Variants in ABHD11 observed in about 807,000 individuals in gnomAD.
ABHD11 encodes the protein abhydrolase domain containing 11.
Under a neutral mutation model 29.0 loss-of-function variants are expected in ABHD11, and 26 were observed. The ratio of observed to expected loss-of-function variants is 0.90; its 90% CI spans 0.66 to 1.24. The LOEUF (loss-of-function observed/expected upper bound fraction) is 1.24. ABHD11 is among the 50% of genes most tolerant of loss of function. ABHD11 has a pLI of 0.00. For synonymous variants in ABHD11, 169 were observed against 166.4 expected (o/e 1.02, Z -0.12); for missense variants, 381 against 422.4 (o/e 0.90, Z 0.86).
chr7:73,737,673 C>A lies in ABHD11; in HGVS notation c.324G>T (p.Glu108Asp), dbSNP rs143238178. ...GGTCCTGCAGGTCCTGGCTCATGAT[C>A]TCGTAGCTCATGTCTGGGCTGTGGG... is the stretch of plus-strand genomic sequence containing the variant. ...DSPHSPDMSY[E>D]IMSQDLQDLL... The change falls in exon 3 of 6, where the codon GAG becomes GAT. Residue 108 changes from glutamate (E) to aspartate (D), a missense_variant. Glu to Asp is a conservative substitution (Grantham distance 45, BLOSUM62 2). Transcript: ENST00000222800. 1 of 1,614,028 alleles carries A rather than the reference C, an allele frequency of 6.2e-7. No individual in the cohort carries two copies. The highest frequency in any genetic ancestry group is 8.5e-7 in the Non-Finnish European group (1 of 1,180,020).
chr7:73,737,076 A>G lies in ABHD11; in HGVS notation c.641T>C (p.Leu214Pro). ...CACGAAGCGCCCGTCTACCTCTACC[A>G]GGTTAGTGAGCAGGTGCTGCCGCAC... ...MAVRQHLLTN[L>P]VEVDGRFVWR... Residue 214 changes from leucine (L) to proline (P), a missense_variant, in exon 5 of 6, where the codon CTG (leucine) becomes CCG (proline). Leu to Pro is a moderately conservative substitution (Grantham distance 98). Transcript: ENST00000222800. The G allele has an allele frequency of 1.2e-6, 2 of 1,614,010 alleles. No individual in the cohort carries two copies. Among genetic ancestry groups the G allele is most frequent in the Non-Finnish European group, 1.7e-6 (2 of 1,180,010 alleles).
chr7:73,737,878 A>G, intron 2 of ABHD11, 143 bp from the exon 3 acceptor site: 1 of 1,282,476 alleles, frequency 7.8e-7, no homozygotes, highest in Non-Finnish European at 1.1e-6. Context: ...TTCCAGACCT[A>G]GGAGGCCCAG....
chr7:73,736,928 C>T lies in ABHD11; in HGVS notation c.788+1G>A. On this transcript the variant is annotated splice_donor_variant, in intron 5 of 5. Transcript: ENST00000222800. LOFTEE classifies it high-confidence loss of function. ...CCCTCCTACTACCCAGGCTAGCTTA[C>T]TGCACGAACTGGGAGTTTCCACCAA... is the stretch of plus-strand genomic sequence containing the variant. 2 of 1,612,966 alleles carry T rather than the reference C, an allele frequency of 1.2e-6. No homozygotes were observed. Among genetic ancestry groups the T allele is most frequent in the Non-Finnish European group, 1.7e-6 (2 of 1,179,816 alleles).
Position 73,738,671 on chromosome 7 carries a change from C to A in ABHD11, c.100G>T (p.Gly34Cys). 1 of 1,598,498 alleles carries A rather than the reference C, an allele frequency of 6.3e-7. No homozygotes were observed. ...CTCGGCTCGGCGCCCCCTCGGCCGC[C>A]GCTGCTGCTGCTGGGTGCGACAGGC... Reference protein sequence around the residue: ...RVPVAPSSSSGGRGGAEPRPL... With the variant: ...RVPVAPSSSSCGRGGAEPRPL... The change falls in exon 1 of 6, where the codon GGC becomes TGC. Residue 34 changes from glycine (G) to cysteine (C), a missense_variant. Coordinates refer to ENST00000222800, the MANE Select transcript of ABHD11 (RefSeq NM_148912.4).
chr7:73,737,129 T>TG lies in ABHD11; in HGVS notation c.607-20dup. ...CCATGTCCTGTGGGGGTGCAGCAGT[T>TG]GGGGGAGGTTCCTTGTGCGGTCTGG... On this transcript the variant is annotated intron_variant, in intron 4 of 5. Transcript: ENST00000222800. 1 of 1,613,650 alleles carries TG rather than the reference T, an allele frequency of 6.2e-7. No individual in the cohort carries two copies. Among genetic ancestry groups the TG allele is most frequent in the Non-Finnish European group, 8.5e-7 (1 of 1,180,008 alleles).
intron 2 of ABHD11, 55 bp downstream of exon 2, chr7:73,738,273 G>A (rs1388479701): frequency 2.2e-6 from 3 of 1,365,560 alleles, no homozygotes; most frequent in Admixed American, 1.9e-5. Flanking sequence ...CCTCCTCTCA[G>A]GCCCCGCCCA....
chr7:73,736,907 C>T (rs1799941698), intron 5 of ABHD11, 22 bp downstream of exon 5: 4 of 1,608,504 alleles, frequency 2.5e-6, no homozygotes, highest in Non-Finnish European at 1.7e-6. Flanking sequence ...GCATGCCCCT[C>T]CTACTACCCA....
At chr7:73,737,156 G>A (rs371548132) in intron 4 of ABHD11, 46 bp from the exon 5 acceptor site, 3 of 1,613,362 alleles carry the variant, frequency 1.9e-6, no homozygotes, top group Non-Finnish European at 2.5e-6. Flanking sequence ...GCGGTCTGGG[G>A]GTGCCACTCT....
In ABHD11 at chr7:73,736,602, C is replaced by T. The variant is rs374778806; in HGVS notation, c.878G>A (p.Arg293His). ...GATGGCAGCTATGAAGTCCTGTGGG[C>T]GGTCAGCGTGGATCCAGTGGCCAGC... Reference protein sequence around the residue: ...PNAGHWIHADRPQDFIAAIRG... With the variant: ...PNAGHWIHADHPQDFIAAIRG... Residue 293 changes from arginine (R) to histidine (H), a missense_variant, in exon 6 of 6, where the codon CGC (arginine) becomes CAC (histidine). Arg to His is a conservative substitution (Grantham distance 29). Transcript: ENST00000222800. 35 of 1,613,920 alleles carry T rather than the reference C, an allele frequency of 2.2e-5. No homozygotes were observed. The highest frequency in any genetic ancestry group is 1.5e-4 in the African/African-American group (11 of 75,000).
Position 73,737,044 on chromosome 7 carries a change from C to A in ABHD11, c.673G>T (p.Val225Leu). 2 of 1,614,122 alleles carry A rather than the reference C, an allele frequency of 1.2e-6. No individual in the cohort carries two copies. The highest frequency in any genetic ancestry group is 2.2e-5 in the South Asian group (2 of 91,090). ...VEVDGRFVWR[V>L]NLDALTQHLD... ...TGCTGGGTCAGGGCATCCAAGTTCACCCTCCACACGAAGCGCCCGTCTACC... is the reference window on the plus strand; with the variant it reads ...TGCTGGGTCAGGGCATCCAAGTTCAACCTCCACACGAAGCGCCCGTCTACC... Residue 225 changes from valine (V) to leucine (L), a missense_variant, in exon 5 of 6, where the codon GTG becomes TTG. Transcript: ENST00000222800.
Position 73,738,536 on chromosome 7 carries a change from G to C in ABHD11, c.126-73C>G, listed in dbSNP as rs1191326740. The C allele has an allele frequency of 9.6e-6, 15 of 1,568,456 alleles. No homozygotes were observed. In the South Asian group the frequency reaches 1.4e-4, roughly 15 times the overall value. ...GAAAGGGGTAGGGGGAAAGAGCTTT[G>C]GGGGAGAGGCCTGGGAGGTGACAGG... is the stretch of plus-strand genomic sequence containing the variant. On this transcript the variant is annotated intron_variant, in intron 1 of 5. Transcript: ENST00000222800.
intron 5 of ABHD11, 33 bp downstream of exon 5, chr7:73,736,896 A>AGCAT (rs1554621973): frequency 1.9e-6 from 3 of 1,604,486 alleles, no homozygotes; most frequent in Non-Finnish European, 2.6e-6. Context: ...GGGCGAGTAA[A>AGCAT]GCATGCCCCT....
chr7:73,737,260 G>A lies in ABHD11; in HGVS notation c.567C>T (p.Ala189=). The change falls in exon 4 of 6, where the codon GCC becomes GCT. Residue 189 remains alanine (A), a synonymous_variant. Coordinates refer to ENST00000222800, the MANE Select transcript of ABHD11 (RefSeq NM_148912.4). ...NIADELPRSR[A]RKLADEQLSS... ...TGAGCTGTTCATCCGCCAGTTTTCGGGCACGGGAGCGGGGCAGCTCATCTG... is the reference window on the plus strand; with the variant it reads ...TGAGCTGTTCATCCGCCAGTTTTCGAGCACGGGAGCGGGGCAGCTCATCTG... The A allele has an allele frequency of 1.2e-6, 2 of 1,614,138 alleles. No homozygotes were observed. The highest frequency in any genetic ancestry group is 2.2e-5 in the South Asian group (2 of 91,088).
rs1290733189 is a variant in ABHD11 at position 73,738,752 on chromosome 7, C to G, written c.19G>C (p.Ala7Pro). 3 of 1,609,838 alleles carry G rather than the reference C, an allele frequency of 1.9e-6. No individual in the cohort carries two copies. In the African/African-American group the frequency reaches 4.0e-5, roughly 22 times the overall value. The change falls in exon 1 of 6, where the codon GCC (alanine) becomes CCC (proline). Residue 7 changes from alanine to proline, a missense_variant. Physicochemically the swap from Ala to Pro is conservative, Grantham distance 27. Transcript: ENST00000222800. Reference sequence around the variant, plus strand: ...AGTCCCTCACGCGGGAGCCTCCAGGCTCGGGTCCAGCGGAGCATGCTTGCA... The same window carrying G: ...AGTCCCTCACGCGGGAGCCTCCAGGGTCGGGTCCAGCGGAGCATGCTTGCA... The part of the protein sequence containing the change: MLRWTR[A>P]WRLPREGLGP...
Position 73,737,235 on chromosome 7 carries a change from T to C in ABHD11, c.592A>G (p.Ser198Gly). 6.2e-7 allele frequency: 1 copy of C among 1,614,106 alleles called. No homozygotes were observed. The highest frequency in any genetic ancestry group is 8.5e-7 in the Non-Finnish European group (1 of 1,180,034). The stretch of plus-strand genomic sequence containing the variant: ...GGGTGTATCACCTGGATGACAGAAC[T>C]GAGCTGTTCATCCGCCAGTTTTCGG... Reference protein sequence around the residue: ...RARKLADEQLSSVIQDMAVRQ... With the variant: ...RARKLADEQLGSVIQDMAVRQ... Residue 198 changes from serine to glycine, a missense_variant, in exon 4 of 6, where the codon AGT (serine) becomes GGT (glycine). By Grantham distance (56) the Ser-to-Gly change is moderately conservative. Transcript: ENST00000222800.
At chr7:73,738,591 C>A (rs1466140298) in intron 1 of ABHD11, 55 bp downstream of exon 1, 17 of 1,567,910 alleles carry the variant, frequency 1.1e-5, no homozygotes, top group Admixed American at 1.9e-5. Flanking sequence ...GCCGTCGGGG[C>A]CCGGCAGGAA....
At chr7:73,736,723 G>T in intron 5 of ABHD11, 32 bp from the exon 6 acceptor site, 1 of 1,612,610 alleles carries the variant, frequency 6.2e-7, no homozygotes, top group Non-Finnish European at 8.5e-7. Context: ...ATCAAAAACG[G>T]GTGAAAGTGG....
chr7:73,738,599 G>A lies in ABHD11; in HGVS notation c.125+47C>T. ...AGATGGGGCCGTCGGGGCCCGGCAGGAAAAGGAGGACAGAGGATGGCCTCC... is the reference window on the plus strand; with the variant it reads ...AGATGGGGCCGTCGGGGCCCGGCAGAAAAAGGAGGACAGAGGATGGCCTCC... On this transcript the variant is annotated intron_variant, in intron 1 of 5. Coordinates refer to ENST00000222800, the MANE Select transcript of ABHD11 (RefSeq NM_148912.4). 2 of 1,572,938 alleles carry A rather than the reference G, an allele frequency of 1.3e-6. 1 individual carries two copies. The highest frequency in any genetic ancestry group is 2.3e-5 in the South Asian group (2 of 86,426).
In ABHD11 at chr7:73,737,406, C is replaced by A; in HGVS notation, c.436-15G>T. The stretch of plus-strand genomic sequence containing the variant: ...ACCAGCTCTGGCTGTGGGAGAGAAC[C>A]GAACTGGGACCAGTCTTAGGCAGAC... On this transcript the variant is annotated splice_polypyrimidine_tract_variant and intron_variant, in intron 3 of 5. Coordinates refer to ENST00000222800, the MANE Select transcript of ABHD11 (RefSeq NM_148912.4). The A allele has an allele frequency of 6.2e-7, 1 of 1,605,482 alleles. No homozygotes were observed. Among genetic ancestry groups the A allele is most frequent in the Non-Finnish European group, 8.5e-7 (1 of 1,175,516 alleles).
Sources: gnomAD v4.1 joint callset for allele counts on GRCh38, gnomAD v4.1.1 for gene constraint, MANE v1.5 for transcripts, NCBI Gene and HGNC (gene_info 2026-07-23, HGNC 2026-07-21) for gene names.